Variants in ANO2 observed in about 807,000 individuals in gnomAD.
The protein encoded by ANO2 is anoctamin-2.
A neutral mutation model predicts 124.2 loss-of-function variants in ANO2; 101 were observed. The observed-to-expected ratio is 0.81, with a 90% CI of 0.69 to 0.96. The LOEUF is 0.96. ANO2 is among the 40% of genes least tolerant of loss of function. ANO2 has a pLI of 0.00. For synonymous variants in ANO2, 486 were observed against 482.5 expected, an observed-to-expected ratio of 1.01 and a Z score of -0.09; for missense variants, 1,293 against 1,274.5, an observed-to-expected ratio of 1.01 and a Z score of -0.22.
chr12:5,819,286 A>T (rs1953711047), intron 7 of ANO2, among the ~76,000 whole-genome samples: 1 of 152,214 alleles, frequency 6.6e-6, no homozygotes, highest in African/African-American at 2.4e-5. Flanking sequence ...ACCCACGAGA[A>T]GGTGCACTAC....
rs564988161 is a variant in ANO2 at position 5,789,108 on chromosome 12, C to T, written c.1055+10399G>A. Reference sequence around the variant, plus strand: ...GGACTGGACAAAGAAGAGATCACCGCAGGATGAACAAAAGGAGAGGGATAG... The same window carrying T: ...GGACTGGACAAAGAAGAGATCACCGTAGGATGAACAAAAGGAGAGGGATAG... On this transcript the variant is annotated intron_variant, in intron 10 of 24. Transcript: ENST00000682330. Among the ~76,000 whole-genome samples the T allele has an allele frequency of 3.3e-5, 5 of 152,270 alleles. No homozygotes were observed. The South Asian group carries it at 1.0e-3, about 32-fold the overall frequency.
At position 5,854,056 on chromosome 12, in the gene ANO2, A is replaced by T. The variant is rs1955012202; in HGVS notation, c.620T>A (p.Val207Asp). Residue 207 changes from valine to aspartate, a missense_variant, in exon 4 of 25, where the codon GTT becomes GAT. Transcript: ENST00000682330. ...ACATGCTCATACTTTCTTGGTAGGA[A>T]CTTTGATCTTCAAGAATTCTGCCTC... ...AREAEFLKIK[V>D]PTKKMYEIKA... 1 of 1,612,754 alleles carries T rather than the reference A, an allele frequency of 6.2e-7. No homozygotes were observed. Among genetic ancestry groups the T allele is most frequent in the Admixed American group, 1.7e-5 (1 of 59,952 alleles).
At chr12:5,916,418 G>C (rs17724464) in intron 3 of ANO2, among the ~76,000 whole-genome samples, 22,499 of 146,944 alleles carry the variant, frequency 0.15, 1,910 homozygotes, top group South Asian at 0.21. Context: ...AATGCATACA[G>C]TTCTGAGAAA....
chr12:5,745,260 C>G (rs1235618413), intron 11 of ANO2, among the ~76,000 whole-genome samples: 1 of 152,206 alleles, frequency 6.6e-6, no homozygotes, highest in African/African-American at 2.4e-5. Context: ...GAACTCATCC[C>G]TCTGTTGTGT....
rs180981387 is a variant in ANO2 at position 5,930,262 on chromosome 12, C to T, written c.23-7458G>A. 4.1e-3 allele frequency among the ~76,000 whole-genome samples: 622 copies of T among 152,294 alleles called. 14 individuals are homozygous for T. Among genetic ancestry groups the T allele is most frequent in the Non-Finnish European group, 6.5e-3 (441 of 68,028 alleles). On this transcript the variant is annotated intron_variant, in intron 1 of 24. Transcript: ENST00000682330. The stretch of plus-strand genomic sequence containing the variant: ...TTAATTCCCAATGTTTTATACAATA[C>T]CTGGGAAGTTAAATGGGTCTGCAAT...
intron 20 of ANO2, among the ~76,000 whole-genome samples, chr12:5,588,516 G>A (rs954443915): frequency 2.6e-5 from 4 of 152,318 alleles, no homozygotes; most frequent in Non-Finnish European, 4.4e-5. Context: ...TGGCTTTGAG[G>A]TGCACTGTTC....
At position 5,799,527 on chromosome 12, in the gene ANO2, GAACTTATAGA is replaced by G. The variant is rs1952976627; in HGVS notation, c.1025_1034del (p.Phe342SerfsTer34). 6.2e-7 allele frequency: 1 copy of G among 1,613,788 alleles called. No homozygotes were observed. Among genetic ancestry groups the G allele is most frequent in the African/African-American group, 1.3e-5 (1 of 74,924 alleles). Reference sequence around the variant, plus strand: ...CTTACCTGATGAGGTCAATAGGTTGGAACTTATAGAACACTCCATAGCGCGCCCATTCTTG... The same window carrying G: ...CTTACCTGATGAGGTCAATAGGTTGGACACTCCATAGCGCGCCCATTCTTG... On this transcript the variant is annotated frameshift_variant, in exon 10 of 25. Transcript: ENST00000682330. LOFTEE classifies it high-confidence loss of function.
At chr12:5,704,296 C>T (rs1949517138) in intron 14 of ANO2, among the ~76,000 whole-genome samples, 1 of 152,198 alleles carries the variant, frequency 6.6e-6, no homozygotes, top group African/African-American at 2.4e-5. Context: ...TGCATCCACC[C>T]CGCCCATGTG....
At chr12:5,807,611 T>C (rs2137174836) in intron 7 of ANO2, among the ~76,000 whole-genome samples, 1 of 152,328 alleles carries the variant, frequency 6.6e-6, no homozygotes, top group East Asian at 1.9e-4. Flanking sequence ...AAGTTCACAT[T>C]CCTCCTGTCT....
At chr12:5,751,622 C>T (rs1459373700) in intron 10 of ANO2, among the ~76,000 whole-genome samples, 4 of 152,040 alleles carry the variant, frequency 2.6e-5, no homozygotes. Flanking sequence ...AAGTATACAC[C>T]CATGAGAACA....
chr12:5,817,412 C>T (rs918943249), intron 7 of ANO2, among the ~76,000 whole-genome samples: 7 of 152,244 alleles, frequency 4.6e-5, no homozygotes, highest in African/African-American at 7.2e-5. Context: ...GTGTGAGACA[C>T]GCAGTGAGGT....
intron 3 of ANO2, among the ~76,000 whole-genome samples, chr12:5,883,081 AACCCCC>A (rs1174495069): frequency 6.6e-6 from 1 of 152,070 alleles, no homozygotes; most frequent in African/African-American, 2.4e-5. Context: ...CCCCATTGGA[AACCCCC>A]ACCCCCAGCA....
chr12:5,631,426 A>G (rs1022171208), intron 16 of ANO2, among the ~76,000 whole-genome samples: 1 of 152,092 alleles, frequency 6.6e-6, no homozygotes, highest in Non-Finnish European at 1.5e-5. Flanking sequence ...TGTCTATCTC[A>G]TCACACCTTC....
At chr12:5,575,760 C>T (rs1942362320) in intron 23 of ANO2, 74 bp downstream of exon 23, 1 of 1,502,142 alleles carries the variant, frequency 6.7e-7, no homozygotes, top group East Asian at 2.3e-5. Flanking sequence ...GGTTGTAATT[C>T]TAGGTCGTCC....
intron 20 of ANO2, among the ~76,000 whole-genome samples, chr12:5,582,527 G>C (rs188765762): frequency 6.6e-6 from 1 of 152,362 alleles, no homozygotes; most frequent in East Asian, 1.9e-4. Flanking sequence ...AACACAAACA[G>C]TATAGTAGAT....
intron 1 of ANO2, among the ~76,000 whole-genome samples, chr12:5,941,117 C>T (rs957768770): frequency 6.6e-6 from 1 of 152,088 alleles, no homozygotes; most frequent in Non-Finnish European, 1.5e-5. Context: ...GAAAAATGAG[C>T]AACTGCCATT....
chr12:5,739,490 GC>G, intron 12 of ANO2, 91 bp from the exon 13 acceptor site: 1 of 1,075,634 alleles, frequency 9.3e-7, no homozygotes, highest in South Asian at 1.5e-5. Context: ...TGGGGGATAA[GC>G]TATTTTAAAT....
At chr12:5,932,998 C>T (rs1029970772) in intron 1 of ANO2, among the ~76,000 whole-genome samples, 1 of 152,184 alleles carries the variant, frequency 6.6e-6, no homozygotes, top group Non-Finnish European at 1.5e-5. Flanking sequence ...TCGGGCCTGG[C>T]TGGTTGAGAT....
intron 10 of ANO2, among the ~76,000 whole-genome samples, chr12:5,765,868 A>G (rs951361190): frequency 3.3e-5 from 5 of 152,234 alleles, no homozygotes; most frequent in Non-Finnish European, 7.3e-5. Context: ...TGTTGCTAAG[A>G]AATAGATAAT....
Sources: allele counts gnomAD v4.1 joint callset (sites outside exome capture counted in the v4.1 genomes callset), GRCh38; gene constraint gnomAD v4.1.1; transcripts MANE v1.5; gene names NCBI Gene and HGNC (gene_info 2026-07-23, HGNC 2026-07-21).